Variants in KAT8 observed in about 807,000 individuals in gnomAD.
The protein encoded by KAT8 is lysine acetyltransferase 8.
KAT8 carries 40 observed loss-of-function variants against 62.9 expected under a neutral mutation model. The observed-to-expected ratio is 0.64, with a 90% CI of 0.49 to 0.83. KAT8 has a LOEUF of 0.83. KAT8 is among the 40% of genes least tolerant of loss of function. The pLI is 0.00. For missense variants in KAT8, 387 were observed against 614.8 expected (o/e 0.63, Z 3.92); for synonymous variants, 278 against 254.5 (o/e 1.09, Z -0.88).
intron 6 of KAT8, among the ~76,000 whole-genome samples, chr16:31,128,429 C>T (rs1339853050): frequency 6.6e-6 from 1 of 152,130 alleles, no homozygotes; most frequent in Admixed American, 6.5e-5. Context: ...CCTGTAATCC[C>T]AGCTACTCGG....
At chr16:31,128,844 C>A (rs1187920148) in intron 6 of KAT8, among the ~76,000 whole-genome samples, 2 of 152,168 alleles carry the variant, frequency 1.3e-5, no homozygotes, top group African/African-American at 4.8e-5. Context: ...TTGTTCCTGG[C>A]CCCGAATGAC....
intron 6 of KAT8, among the ~76,000 whole-genome samples, 157 bp from the exon 7 acceptor site, chr16:31,129,860 C>T (rs1400443119): frequency 6.6e-6 from 1 of 152,222 alleles, no homozygotes; most frequent in Non-Finnish European, 1.5e-5. Flanking sequence ...TTTCCAGTTC[C>T]CTGTTCGTCA....
At chr16:31,129,996 C>CT in intron 6 of KAT8, 21 bp from the exon 7 acceptor site, 5 of 1,613,802 alleles carry the variant, frequency 3.1e-6, no homozygotes, top group South Asian at 1.1e-5. Context: ...CTGAGCCTGT[C>CT]TCCCCCCTCC....
At chr16:31,120,068 T>G (rs1596817558) in intron 1 of KAT8, 118 bp from the exon 2 acceptor site, 4 of 775,718 alleles carry the variant, frequency 5.2e-6, no homozygotes, top group Non-Finnish European at 6.8e-6. Flanking sequence ...ATGGCAGAGG[T>G]GGACCAGTGA....
intron 3 of KAT8, among the ~76,000 whole-genome samples, chr16:31,121,612 G>A (rs899071574): frequency 4.6e-5 from 7 of 152,106 alleles, no homozygotes; most frequent in Non-Finnish European, 1.0e-4. Flanking sequence ...GAGTCTTGGT[G>A]TGTTGCTCAG....
At chr16:31,131,151 C>A in intron 10 of KAT8, 44 bp from the exon 11 acceptor site, 1 of 1,610,094 alleles carries the variant, frequency 6.2e-7, no homozygotes, top group Non-Finnish European at 8.5e-7. Flanking sequence ...TGTGAGCTGG[C>A]CTGGCCCAGG....
intron 5 of KAT8, among the ~76,000 whole-genome samples, chr16:31,127,591 G>A (rs1045490681): frequency 2.0e-5 from 3 of 152,222 alleles, no homozygotes; most frequent in Admixed American, 2.0e-4. Flanking sequence ...AATGGGGACA[G>A]TAACTCACCC....
intron 6 of KAT8, among the ~76,000 whole-genome samples, chr16:31,128,438 G>A (rs556519086): frequency 2.6e-5 from 4 of 152,234 alleles, no homozygotes; most frequent in South Asian, 4.1e-4. Context: ...CCAGCTACTC[G>A]GGAGGCTGAG....
chr16:31,121,702 G>C (rs772775248), intron 3 of KAT8, among the ~76,000 whole-genome samples: 14 of 151,872 alleles, frequency 9.2e-5, no homozygotes, highest in Non-Finnish European at 2.1e-4. Context: ...GTGCATCCCT[G>C]TACCTGCCTT....
chr16:31,128,132 A>G lies in KAT8; in HGVS notation c.764A>G (p.Asp255Gly). The part of the protein sequence containing the change: ...NISVYEVDGK[D>G]HKIYCQNLCL... Reference sequence around the variant, plus strand: ...TCCGTGTACGAAGTTGATGGCAAAGACCATAAGGTGAGTGGGTGGCCAGGG... The same window carrying G: ...TCCGTGTACGAAGTTGATGGCAAAGGCCATAAGGTGAGTGGGTGGCCAGGG... Residue 255 changes from aspartate (D) to glycine (G), a missense_variant, in exon 6 of 11, where the codon GAC becomes GGC. Asp to Gly is a moderately conservative substitution (Grantham distance 94). Around this residue, in one of 6 missense-constraint regions of KAT8, gnomAD observed 141 missense variants for 222.5 expected, o/e 0.63. Transcript: ENST00000219797. The G allele has an allele frequency of 6.2e-7, 1 of 1,613,634 alleles. No individual in the cohort carries two copies. Among genetic ancestry groups the G allele is most frequent in the Non-Finnish European group, 8.5e-7 (1 of 1,179,724 alleles).
rs2057536921 is a variant in KAT8 at position 31,127,085 on chromosome 16, G to A, written c.513G>A (p.Glu171=). ...CAGCAGCCTTGGAGAAGGAGCATGA[G>A]GCGGTAAGTGGGGCTGGGAAGCTGC... ...PTTAALEKEH[E]AITKVKYVDK... Residue 171 remains glutamate, a synonymous_variant, in exon 4 of 11, where the codon GAG becomes GAA. Transcript: ENST00000219797. 6.2e-7 allele frequency: 1 copy of A among 1,614,198 alleles called. No individual in the cohort carries two copies. The highest frequency in any genetic ancestry group is 8.5e-7 in the Non-Finnish European group (1 of 1,180,040).
intron 3 of KAT8, among the ~76,000 whole-genome samples, chr16:31,122,813 G>A (rs2057506650): frequency 6.6e-6 from 1 of 151,874 alleles, no homozygotes; most frequent in Non-Finnish European, 1.5e-5. Flanking sequence ...CCCGGGAGGT[G>A]GAGCTTGTAG....
intron 3 of KAT8, among the ~76,000 whole-genome samples, chr16:31,123,200 A>G (rs114427682): frequency 0.012 from 1,894 of 152,218 alleles, 46 homozygotes; most frequent in African/African-American, 0.043. Flanking sequence ...AAAATTAATT[A>G]TCATTTTTTA....
chr16:31,131,062 C>A, intron 10 of KAT8, 133 bp from the exon 11 acceptor site: 1 of 1,506,838 alleles, frequency 6.6e-7, no homozygotes, highest in Admixed American at 2.1e-5. Flanking sequence ...GCTTCCCTAC[C>A]CCTCCCCAGC....
chr16:31,120,774 CTT>C (rs1256304072), intron 3 of KAT8: 1 of 426,576 alleles, frequency 2.3e-6, no homozygotes, highest in South Asian at 4.5e-5. Context: ...CTGGTAGCCT[CTT>C]TTGTCTCCTA....
chr16:31,124,856 C>A (rs992914741), intron 3 of KAT8, among the ~76,000 whole-genome samples: 1 of 151,894 alleles, frequency 6.6e-6, no homozygotes, highest in Admixed American at 6.6e-5. Flanking sequence ...GGTGAAACCC[C>A]ATCTCTACCA....
Position 31,127,428 on chromosome 16 carries a change from G to A in KAT8, c.681+75G>A, listed in dbSNP as rs563019266. The A allele has an allele frequency of 6.2e-5, 93 of 1,499,442 alleles. 1 individual carries two copies. In the East Asian group the frequency reaches 1.0e-3, roughly 16 times the overall value. The allele number at this position is 1,499,442 out of a possible 1,614,324, so 92.9% of individuals were successfully genotyped here. On this transcript the variant is annotated intron_variant, in intron 5 of 10. Transcript: ENST00000219797. ...AGAGGCAGGCATGGAGACTGAGGGCGGCTGCGCCGGCAGCTCCAGGGAGGA... is the reference window on the plus strand; with the variant it reads ...AGAGGCAGGCATGGAGACTGAGGGCAGCTGCGCCGGCAGCTCCAGGGAGGA...
chr16:31,124,760 C>T (rs2057521824), intron 3 of KAT8, among the ~76,000 whole-genome samples: 1 of 138,228 alleles, frequency 7.2e-6, no homozygotes, highest in Non-Finnish European at 1.5e-5. Context: ...AAGGCTATGG[C>T]TCATGCCTGT....
At chr16:31,118,108 A>G (rs2052400400) in intron 1 of KAT8, 3 of 406,048 alleles carry the variant, frequency 7.4e-6, no homozygotes, top group South Asian at 8.9e-5. Flanking sequence ...AGCGACGCCT[A>G]CAAACCCACC....
Sources: gnomAD v4.1 joint callset for allele counts (sites outside exome capture counted in the v4.1 genomes callset) on GRCh38, gnomAD v4.1.1 for gene constraint, gnomAD v4.1.1 regional missense constraint, MANE v1.5 for transcripts, NCBI Gene and HGNC (gene_info 2026-07-23, HGNC 2026-07-21) for gene names.